PCDHA13: variants seen among roughly 807,000 people sequenced by gnomAD.
PCDHA13 encodes protocadherin alpha-13.
PCDHA13 carries 54 observed loss-of-function variants against 64.8 expected under a neutral mutation model. That is an observed-to-expected ratio of 0.83 (90% CI 0.67 to 1.04). PCDHA13 has a LOEUF of 1.04. PCDHA13 is among the 50% of genes least tolerant of loss of function. PCDHA13 has a pLI of 0.00. For synonymous variants in PCDHA13, 587 were observed against 564.4 expected, an observed-to-expected ratio of 1.04 and a Z score of -0.57; for missense variants, 1,248 against 1,254.3, an observed-to-expected ratio of 0.99 and a Z score of 0.08.
rs75203598 is a variant in PCDHA13, at chr5:140,915,428, C to T, written c.2394+30766C>T. 8.0e-3 allele frequency among the ~76,000 whole-genome samples: 1,217 copies of T among 152,162 alleles called. 6 individuals are homozygous for T. The highest frequency in any genetic ancestry group is 0.019 in the African/African-American group (786 of 41,514). On this transcript the variant is annotated intron_variant, in intron 1 of 3. Transcript: ENST00000289272. The stretch of plus-strand genomic sequence containing the variant: ...TCTTTGCAGTCTGGGCTTGTTTATC[C>T]CTGTCCTTCTTGAGAAGGTTTTCCA...
Position 140,882,663 on chromosome 5 carries a change from T to C in PCDHA13, c.395T>C (p.Ile132Thr), listed in dbSNP as rs782768442. The change falls in exon 1 of 4, where the codon ATA (isoleucine) becomes ACA (threonine). Residue 132 changes from isoleucine to threonine, a missense_variant. Physicochemically the swap from Ile to Thr is moderately conservative, Grantham distance 89. Coordinates refer to ENST00000289272, the MANE Select transcript of PCDHA13 (RefSeq NM_018904.3). The stretch of plus-strand genomic sequence containing the variant: ...AGGGACATTAACGACAACCCGCCCA[T>C]ATTCCCTGAAAGCAAGAAACGAATA... ...KVRDINDNPPIFPESKKRIII... is the reference protein window; with the variant it reads ...KVRDINDNPPTFPESKKRIII... 65 of 1,614,026 alleles carry C rather than the reference T, an allele frequency of 4.0e-5. No individual in the cohort carries two copies. Among genetic ancestry groups the C allele is most frequent in the Non-Finnish European group, 5.3e-5 (63 of 1,180,036 alleles).
At chr5:140,980,494 A>T (rs868915196) in intron 2 of PCDHA13, among the ~76,000 whole-genome samples, 1 of 152,106 alleles carries the variant, frequency 6.6e-6, no homozygotes, top group African/African-American at 2.4e-5. Context: ...GCTGGGCGTG[A>T]TGGCATGTGC....
chr5:140,981,456 C>G (rs2096933076), intron 2 of PCDHA13, among the ~76,000 whole-genome samples: 1 of 152,054 alleles, frequency 6.6e-6, no homozygotes, highest in African/African-American at 2.4e-5. Flanking sequence ...TGCCTGTAGT[C>G]CCAGCTACTT....
intron 1 of PCDHA13, among the ~76,000 whole-genome samples, chr5:140,951,145 TG>T (rs1554219754): frequency 9.9e-6 from 1 of 100,698 alleles, no homozygotes; most frequent in African/African-American, 4.8e-5. Flanking sequence ...TTTATCTTAT[TG>T]AATATAGTTA....
intron 1 of PCDHA13, among the ~76,000 whole-genome samples, chr5:140,969,715 A>G (rs1312398688): frequency 6.6e-6 from 1 of 152,082 alleles, no homozygotes; most frequent in Non-Finnish European, 1.5e-5. Context: ...CTACAGGGAA[A>G]TTTTTCTTTT....
chr5:140,958,422 C>A (rs1436234763), intron 1 of PCDHA13, among the ~76,000 whole-genome samples: 1 of 152,120 alleles, frequency 6.6e-6, no homozygotes, highest in African/African-American at 2.4e-5. Context: ...TGGAAAGAAG[C>A]ACTTTTTATA....
chr5:140,969,826 A>G (rs782339572), intron 1 of PCDHA13, among the ~76,000 whole-genome samples: 24 of 152,344 alleles, frequency 1.6e-4, no homozygotes, highest in Middle Eastern at 3.4e-3. Flanking sequence ...TGGACTGTCT[A>G]CAGTGGAAAT....
chr5:140,941,185 CT>C (rs782102770), intron 1 of PCDHA13, among the ~76,000 whole-genome samples: 20 of 102,174 alleles, frequency 2.0e-4, no homozygotes, highest in Admixed American at 7.9e-4. Context: ...CATCCTGCTT[CT>C]TTTTTTTTCT....
intron 1 of PCDHA13, among the ~76,000 whole-genome samples, chr5:140,946,992 A>T (rs1393633852): frequency 1.3e-5 from 2 of 151,908 alleles, no homozygotes; most frequent in East Asian, 3.9e-4. Context: ...TGAGTGTTCT[A>T]ACTTCAAAGA....
intron 1 of PCDHA13, among the ~76,000 whole-genome samples, chr5:140,914,503 T>C (rs2879076): frequency 0.12 from 17,707 of 152,222 alleles, 1,150 homozygotes; most frequent in Middle Eastern, 0.19. Context: ...CAACAGATCA[T>C]TGGGTCATGT....
intron 1 of PCDHA13, among the ~76,000 whole-genome samples, chr5:140,973,210 C>T (rs112667484): frequency 0.028 from 4,273 of 152,266 alleles, 188 homozygotes; most frequent in African/African-American, 0.096. Flanking sequence ...CATATTCACC[C>T]TAATTCCAGG....
rs782303871 is a variant in PCDHA13 at position 140,884,115 on chromosome 5, T to C, written c.1847T>C (p.Val616Ala). Residue 616 changes from valine to alanine, a missense_variant, in exon 1 of 4, where the codon GTC becomes GCC. Coordinates refer to ENST00000289272, the MANE Select transcript of PCDHA13 (RefSeq NM_018904.3). ...WLSYELQLAA[V>A]GARIPFRVGL... ...TCGTATGAATTGCAGCTGGCGGCGG[T>C]CGGCGCGCGCATCCCGTTCCGCGTG... 1.2e-6 allele frequency: 2 copies of C among 1,613,170 alleles called. No individual in the cohort carries two copies. Among genetic ancestry groups the C allele is most frequent in the African/African-American group, 2.7e-5 (2 of 74,886 alleles).
intron 1 of PCDHA13, among the ~76,000 whole-genome samples, chr5:140,973,337 G>T (rs2096582330): frequency 6.6e-6 from 1 of 152,162 alleles, no homozygotes; most frequent in African/African-American, 2.4e-5. Flanking sequence ...TCGTTGTAAA[G>T]TGACATAGTA....
chr5:140,962,107 G>A (rs1010906038), intron 1 of PCDHA13, among the ~76,000 whole-genome samples: 20 of 151,860 alleles, frequency 1.3e-4, no homozygotes, highest in African/African-American at 4.4e-4. Flanking sequence ...GGATGGTCTC[G>A]ATCTCCTAAC....
At chr5:140,935,004 T>C (rs574626430) in intron 1 of PCDHA13, among the ~76,000 whole-genome samples, 1 of 152,340 alleles carries the variant, frequency 6.6e-6, no homozygotes, top group African/African-American at 2.4e-5. Flanking sequence ...ATCCTTTTCA[T>C]GTGAGTCTTA....
At chr5:140,931,975 T>C (rs2087911858) in intron 1 of PCDHA13, among the ~76,000 whole-genome samples, 1 of 151,962 alleles carries the variant, frequency 6.6e-6, no homozygotes, top group Non-Finnish European at 1.5e-5. Flanking sequence ...CATATGTGTT[T>C]ATATTTTGCT....
intron 1 of PCDHA13, among the ~76,000 whole-genome samples, chr5:140,913,389 C>T (rs1427012396): frequency 6.6e-6 from 1 of 152,122 alleles, no homozygotes; most frequent in Admixed American, 6.5e-5. Flanking sequence ...CTCATCATAG[C>T]CACTAATGAT....
At chr5:140,915,469 A>G (rs2077137068) in intron 1 of PCDHA13, among the ~76,000 whole-genome samples, 1 of 152,034 alleles carries the variant, frequency 6.6e-6, no homozygotes, top group Admixed American at 6.6e-5. Context: ...TTTTTATTTG[A>G]AGGAGCTTGG....
intron 1 of PCDHA13, among the ~76,000 whole-genome samples, chr5:140,923,387 G>T (rs564592920): frequency 6.6e-6 from 1 of 152,254 alleles, no homozygotes; most frequent in Admixed American, 6.5e-5. Context: ...AATTAGTTGG[G>T]CATGGTGGTG....
Sources: allele counts gnomAD v4.1 joint callset (sites outside exome capture counted in the v4.1 genomes callset), GRCh38; gene constraint gnomAD v4.1.1; transcripts MANE v1.5; gene names NCBI Gene and HGNC (gene_info 2026-07-23, HGNC 2026-07-21).